Variants in JAKMIP3 observed in about 807,000 individuals in gnomAD.
JAKMIP3 encodes janus kinase and microtubule-interacting protein 3.
A neutral mutation model predicts 118.5 loss-of-function variants in JAKMIP3; 58 were observed. That is an observed-to-expected ratio of 0.49 (90% confidence interval 0.40 to 0.61). JAKMIP3 has a LOEUF of 0.61. Among genes scored for constraint, JAKMIP3 ranks in the 20% least tolerant of loss-of-function variants. JAKMIP3 has a pLI of 0.00. For synonymous variants in JAKMIP3, 486 were observed against 451.2 expected (o/e 1.08, Z -0.98); for missense variants, 950 against 1,109.0 (o/e 0.86, Z 2.04).
intron 1 of JAKMIP3, among the ~76,000 whole-genome samples, chr10:132,098,898 C>G (rs1236352522): frequency 6.6e-6 from 1 of 152,232 alleles, no homozygotes; most frequent in African/African-American, 2.4e-5. Context: ...CTCAGTAAGC[C>G]TCCTCAGGGT....
intron 10 of JAKMIP3, among the ~76,000 whole-genome samples, chr10:132,141,252 C>T (rs917380759): frequency 2.0e-5 from 3 of 152,192 alleles, no homozygotes; most frequent in Non-Finnish European, 4.4e-5. Context: ...AAGACATCCT[C>T]TCACAGCCTC....
intron 19 of JAKMIP3, among the ~76,000 whole-genome samples, chr10:132,162,715 T>C (rs530997510): frequency 1.2e-4 from 17 of 143,274 alleles, no homozygotes; most frequent in Middle Eastern, 3.6e-3. Flanking sequence ...CTTTGAAATA[T>C]ACAGAGCAAA....
At chr10:132,059,540 C>G (rs2038335412) in intron 1 of JAKMIP3, among the ~76,000 whole-genome samples, 1 of 152,258 alleles carries the variant, frequency 6.6e-6, no homozygotes, top group South Asian at 2.1e-4. Context: ...GGCTCTGTCC[C>G]TTTGTGGGGC....
intron 4 of JAKMIP3, among the ~76,000 whole-genome samples, chr10:132,134,162 G>A (rs1362622672): frequency 3.3e-5 from 5 of 152,156 alleles, no homozygotes; most frequent in Non-Finnish European, 5.9e-5. Context: ...ATGCGCTGGG[G>A]GATCTGAAGT....
chr10:132,078,985 C>G (rs1157858591), intron 1 of JAKMIP3, among the ~76,000 whole-genome samples: 1 of 152,236 alleles, frequency 6.6e-6, no homozygotes, highest in African/African-American at 2.4e-5. Context: ...GTGGGTGGCC[C>G]TGAAGGCTCA....
At chr10:132,162,709 G>C (rs994290705) in intron 19 of JAKMIP3, among the ~76,000 whole-genome samples, 6 of 150,594 alleles carry the variant, frequency 4.0e-5, no homozygotes, top group Non-Finnish European at 8.9e-5. Flanking sequence ...GAAAAGCTTT[G>C]AAATATACAG....
chr10:132,135,950 T>C lies in JAKMIP3; in HGVS notation c.990T>C (p.Ala330=). The C allele has an allele frequency of 6.2e-7, 1 of 1,612,972 alleles. No homozygotes were observed. The highest frequency in any genetic ancestry group is 8.5e-7 in the Non-Finnish European group (1 of 1,179,578). ...TTCAGTTGAAGCGCGTAAGAGAAGC[T>C]GAGAGTCAGTACAAGCCTCTGCTGG... ...RNELLKRVRE[A]ESQYKPLLDK... is the part of the protein sequence containing the mutation. Residue 330 remains alanine (A), a synonymous_variant, in exon 6 of 24, where the codon GCT becomes GCC. Transcript: ENST00000684848.
chr10:132,180,528 T>TGTGTGTGC (rs2060669750), intron 23 of JAKMIP3, among the ~76,000 whole-genome samples: 1 of 35,506 alleles, frequency 2.8e-5, no homozygotes, highest in Non-Finnish European at 4.9e-5. Context: ...CAGAACTGTG[T>TGTGTGTGC]GTGTGTGTGT....
chr10:132,091,675 G>A (rs185498691), intron 1 of JAKMIP3, among the ~76,000 whole-genome samples: 12,945 of 152,076 alleles, frequency 0.085, 1,280 homozygotes, highest in African/African-American at 0.24. Flanking sequence ...CTCTGCACGT[G>A]AGATGGGTTT....
chr10:132,106,519 AG>A (rs2045937278), intron 2 of JAKMIP3, among the ~76,000 whole-genome samples: 1 of 151,852 alleles, frequency 6.6e-6, no homozygotes, highest in African/African-American at 2.4e-5. Flanking sequence ...TGTGGCCTGG[AG>A]GGGGGAGTGT....
At chr10:132,102,868 A>G (rs1264560762) in intron 1 of JAKMIP3, among the ~76,000 whole-genome samples, 1 of 151,914 alleles carries the variant, frequency 6.6e-6, no homozygotes, top group Non-Finnish European at 1.5e-5. Flanking sequence ...AGACAGATGC[A>G]GGAGTAGGGG....
intron 23 of JAKMIP3, among the ~76,000 whole-genome samples, chr10:132,174,665 A>C (rs1182595623): frequency 6.6e-6 from 1 of 152,092 alleles, no homozygotes; most frequent in Non-Finnish European, 1.5e-5. Flanking sequence ...TGGTGAGTGC[A>C]TGCTTACTTT....
chr10:132,175,097 T>G (rs1163845422), intron 23 of JAKMIP3, among the ~76,000 whole-genome samples: 1 of 152,188 alleles, frequency 6.6e-6, no homozygotes, highest in Non-Finnish European at 1.5e-5. Flanking sequence ...AGAGCAGAAA[T>G]TCTTAATTTT....
chr10:132,137,626 G>A (rs1175464800), intron 8 of JAKMIP3, among the ~76,000 whole-genome samples: 1 of 152,222 alleles, frequency 6.6e-6, no homozygotes, highest in Non-Finnish European at 1.5e-5. Flanking sequence ...GGCCAGCACA[G>A]ACAGGCAGCC....
rs376161972 is a variant in JAKMIP3 at position 132,153,742 on chromosome 10, G to C, written c.2074-17G>C. On this transcript the variant is annotated splice_polypyrimidine_tract_variant and intron_variant, in intron 17 of 23. Transcript: ENST00000684848. ...GACCCTAGGGGTCACTGTCCTGCTT[G>C]TTCTGTTTGTGTCCAGTGGCTCCAG... 105 of 1,612,712 alleles carry C rather than the reference G, an allele frequency of 6.5e-5. No homozygotes were observed. The African/African-American group carries it at 1.3e-3, about 21-fold the overall frequency.
In JAKMIP3 at chr10:132,086,464, T is replaced by C. The variant is rs189089567; in HGVS notation, c.-137-18208T>C. Reference sequence around the variant, plus strand: ...TAGTGCCGTCAGTGGAGTACTGAAGTTCCCCACTATTATTGTGTTGCTGTC... The same window carrying C: ...TAGTGCCGTCAGTGGAGTACTGAAGCTCCCCACTATTATTGTGTTGCTGTC... On this transcript the variant is annotated intron_variant, in intron 1 of 23. Coordinates refer to ENST00000684848, the MANE Select transcript of JAKMIP3 (RefSeq NM_001323087.2). Among the ~76,000 whole-genome samples, 17 of 152,332 alleles carry C rather than the reference T, an allele frequency of 1.1e-4. No individual in the cohort carries two copies. In the East Asian group the frequency reaches 2.7e-3, roughly 24 times the overall value.
chr10:132,180,733 G>C, intron 23 of JAKMIP3, among the ~76,000 whole-genome samples: 1 of 14,268 alleles, frequency 7.0e-5, no homozygotes, highest in Non-Finnish European at 1.3e-4. Context: ...GTGTGTGCGT[G>C]TGTGCGTGCG....
intron 1 of JAKMIP3, among the ~76,000 whole-genome samples, chr10:132,077,294 A>C (rs1478059259): frequency 6.6e-6 from 1 of 152,112 alleles, no homozygotes; most frequent in Non-Finnish European, 1.5e-5. Flanking sequence ...GGTTCTGGGC[A>C]GGGGGTGTCC....
intron 23 of JAKMIP3, among the ~76,000 whole-genome samples, chr10:132,178,065 A>C (rs1189248306): frequency 2.0e-5 from 3 of 152,216 alleles, no homozygotes; most frequent in African/African-American, 7.2e-5. Context: ...CTGTGCACCC[A>C]CTTCACTGTC....
Sources: allele counts gnomAD v4.1 joint callset (sites outside exome capture counted in the v4.1 genomes callset), GRCh38; gene constraint gnomAD v4.1.1; transcripts MANE v1.5; gene names NCBI Gene and HGNC (gene_info 2026-07-23, HGNC 2026-07-21).